The following KCNIP4 variants were observed in gnomAD, a reference collection of about 807,000 sequenced individuals.
The protein encoded by KCNIP4 is potassium voltage-gated channel interacting protein 4.
A neutral mutation model predicts 34.0 loss-of-function variants in KCNIP4; 12 were observed. The ratio of observed to expected loss-of-function variants is 0.35; its 90% confidence interval spans 0.23 to 0.57. The LOEUF (loss-of-function observed/expected upper bound fraction) is 0.57, where lower values mean the gene tolerates loss of function less well. Among genes scored for constraint, KCNIP4 ranks in the 20% least tolerant of loss-of-function variants. KCNIP4 has a pLI of 0.83. For synonymous variants in KCNIP4, 124 were observed against 102.2 expected, an observed-to-expected ratio of 1.21 and a Z score of -1.29; for missense variants, 238 against 311.7, an observed-to-expected ratio of 0.76 and a Z score of 1.78.
At chr4:20,803,727 G>GAGGAAGGA (rs1553898989) in intron 3 of KCNIP4, among the ~76,000 whole-genome samples, 2 of 91,442 alleles carry the variant, frequency 2.2e-5, no homozygotes, top group African/African-American at 3.9e-5. Flanking sequence ...GAGAGAGAGA[G>GAGGAAGGA]AGGAAGGAAG....
intron 1 of KCNIP4, among the ~76,000 whole-genome samples, chr4:21,534,114 G>A (rs1028104630): frequency 6.6e-6 from 1 of 152,038 alleles, no homozygotes; most frequent in East Asian, 1.9e-4. Flanking sequence ...TTATAAAATT[G>A]CAATAGGACC....
chr4:21,513,665 G>A (rs1003764804), intron 1 of KCNIP4, among the ~76,000 whole-genome samples: 1 of 152,188 alleles, frequency 6.6e-6, no homozygotes, highest in African/African-American at 2.4e-5. Context: ...AGAACCTTCA[G>A]CCTTCACGTG....
chr4:20,745,392 G>A (rs1752200044), intron 5 of KCNIP4, among the ~76,000 whole-genome samples: 1 of 152,138 alleles, frequency 6.6e-6, no homozygotes, highest in Non-Finnish European at 1.5e-5. Context: ...GATGATATCA[G>A]TAAAGAGTTA....
chr4:21,510,505 T>A (rs993367435), intron 1 of KCNIP4, among the ~76,000 whole-genome samples: 7 of 152,184 alleles, frequency 4.6e-5, no homozygotes, highest in African/African-American at 1.2e-4. Flanking sequence ...TGTTTTTTTT[T>A]ACTTGGATAT....
In KCNIP4 at chr4:21,883,158, TG is replaced by T. The variant is rs1443860032; in HGVS notation, c.61+65412del. On this transcript the variant is annotated intron_variant, in intron 1 of 8. Coordinates refer to ENST00000382152, the MANE Select transcript of KCNIP4 (RefSeq NM_025221.6). Reference sequence around the variant, plus strand: ...AATTAAAAGTTTGTTTCTGAGTTGTTGTTTTTTTTTTTTTTTTATAAGAGAC... The same window carrying T: ...AATTAAAAGTTTGTTTCTGAGTTGTTTTTTTTTTTTTTTTTTATAAGAGAC... 9.6e-3 allele frequency among the ~76,000 whole-genome samples: 1,190 copies of T among 123,778 alleles called. 14 individuals are homozygous for T. Among genetic ancestry groups the T allele is most frequent in the African/African-American group, 0.034 (1,124 of 33,510 alleles). The allele number at this position is 123,778 out of a possible 152,430, so 81.2% of individuals were successfully genotyped here.
chr4:21,109,061 C>T (rs1419621523), intron 1 of KCNIP4, among the ~76,000 whole-genome samples: 2 of 152,166 alleles, frequency 1.3e-5, no homozygotes, highest in African/African-American at 4.8e-5. Flanking sequence ...CAGGGACCCA[C>T]TTGAGGAGGC....
chr4:21,474,735 G>A (rs147461283), intron 1 of KCNIP4, among the ~76,000 whole-genome samples: 451 of 151,418 alleles, frequency 3.0e-3, no homozygotes, highest in Middle Eastern at 0.017. Flanking sequence ...GGTGGCTCAC[G>A]CCTGTAATCC....
At chr4:21,644,425 T>C (rs1746859009) in intron 1 of KCNIP4, among the ~76,000 whole-genome samples, 1 of 152,206 alleles carries the variant, frequency 6.6e-6, no homozygotes. Context: ...ATGCATATCT[T>C]GAGGGGCATA....
intron 1 of KCNIP4, among the ~76,000 whole-genome samples, chr4:21,913,188 T>C (rs950932525): frequency 1.3e-5 from 2 of 151,898 alleles, no homozygotes; most frequent in African/African-American, 4.8e-5. Flanking sequence ...AAAAAAGGGG[T>C]TTGGTAGCCA....
In KCNIP4 at chr4:20,850,724, A is replaced by G. The variant is rs936241111; in HGVS notation, c.164-57T>C. The G allele has an allele frequency of 1.1e-5, 17 of 1,572,570 alleles. No individual in the cohort carries two copies. The African/African-American group carries it at 1.4e-4, about 13-fold the overall frequency. ...CCAGCCACTGCTCACCGATGCTTAC[A>G]CAGAGCAACAAAGGAAAACGGAAGA... On this transcript the variant is annotated intron_variant, in intron 2 of 8. Transcript: ENST00000382152.
chr4:21,798,418 T>C (rs1320484663), intron 1 of KCNIP4, among the ~76,000 whole-genome samples: 1 of 142,578 alleles, frequency 7.0e-6, no homozygotes, highest in African/African-American at 2.5e-5. Flanking sequence ...TATATATATA[T>C]ATATATATTT....
intron 1 of KCNIP4, among the ~76,000 whole-genome samples, chr4:21,713,235 G>A (rs1713882425): frequency 6.6e-6 from 1 of 152,204 alleles, no homozygotes; most frequent in South Asian, 2.1e-4. Flanking sequence ...CAGGGGATAT[G>A]TCATCAATGG....
At chr4:21,862,816 C>T (rs911010058) in intron 1 of KCNIP4, among the ~76,000 whole-genome samples, 3 of 152,066 alleles carry the variant, frequency 2.0e-5, no homozygotes, top group African/African-American at 7.2e-5. Context: ...AAAAAATTAG[C>T]CGGGCGTGGT....
At chr4:21,895,121 T>C (rs146070101) in intron 1 of KCNIP4, among the ~76,000 whole-genome samples, 30 of 152,328 alleles carry the variant, frequency 2.0e-4, no homozygotes, top group African/African-American at 6.7e-4. Context: ...TTGTGGGACA[T>C]CTTTGATATA....
chr4:20,925,938 T>C (rs1349460964), intron 1 of KCNIP4, among the ~76,000 whole-genome samples: 1 of 152,158 alleles, frequency 6.6e-6, no homozygotes, highest in East Asian at 1.9e-4. Flanking sequence ...CCTTGAAATG[T>C]TGTTCCTGAT....
intron 1 of KCNIP4, among the ~76,000 whole-genome samples, chr4:21,393,636 C>A (rs1364618297): frequency 6.6e-6 from 1 of 152,090 alleles, no homozygotes; most frequent in Non-Finnish European, 1.5e-5. Flanking sequence ...CTGACATAAA[C>A]CCTGAAAATT....
intron 1 of KCNIP4, among the ~76,000 whole-genome samples, chr4:21,102,378 TG>T (rs1179664159): frequency 6.6e-6 from 1 of 152,098 alleles, no homozygotes; most frequent in Non-Finnish European, 1.5e-5. Flanking sequence ...TCAAGGGCAA[TG>T]GGGCATTGGC....
chr4:21,344,596 G>A (rs913005171), intron 1 of KCNIP4, among the ~76,000 whole-genome samples: 7 of 152,106 alleles, frequency 4.6e-5, no homozygotes, highest in African/African-American at 1.7e-4. Context: ...TAGGTATGAT[G>A]CAAGAAAAAG....
At chr4:21,293,757 G>T (rs572680140) in intron 1 of KCNIP4, among the ~76,000 whole-genome samples, 1 of 152,296 alleles carries the variant, frequency 6.6e-6, no homozygotes, top group African/African-American at 2.4e-5. Flanking sequence ...GGGTCTATGA[G>T]AAAAGAATTA....
Sources: gnomAD v4.1 joint callset for allele counts (sites outside exome capture counted in the v4.1 genomes callset) on GRCh38, gnomAD v4.1.1 for gene constraint, MANE v1.5 for transcripts, NCBI Gene and HGNC (gene_info 2026-07-23, HGNC 2026-07-21) for gene names.